Variants in KCMF1 observed in about 807,000 individuals in gnomAD.
KCMF1 encodes the protein E3 ubiquitin-protein ligase KCMF1.
In KCMF1, 3 loss-of-function variants were observed where a neutral mutation model predicts 41.1. The observed-to-expected ratio is 0.07, with a 90% confidence interval of 0.03 to 0.19. The LOEUF (loss-of-function observed/expected upper bound fraction) is 0.19. Among genes scored for constraint, KCMF1 ranks in the 10% least tolerant of loss-of-function variants. KCMF1 has a pLI of 1.00. For missense variants in KCMF1, 286 were observed against 488.9 expected, an observed-to-expected ratio of 0.58 and a Z score of 3.91; for synonymous variants, 142 against 164.5, an observed-to-expected ratio of 0.86 and a Z score of 1.04.
At chr2:85,018,689 T>A (rs921963901) in intron 1 of KCMF1, among the ~76,000 whole-genome samples, 2 of 152,210 alleles carry the variant, frequency 1.3e-5, no homozygotes, top group South Asian at 4.1e-4. Flanking sequence ...ATGTAATGGA[T>A]GTCAGTGCTA....
At chr2:85,030,215 T>C (rs1244214025) in intron 2 of KCMF1, among the ~76,000 whole-genome samples, 3 of 152,180 alleles carry the variant, frequency 2.0e-5, no homozygotes, top group Admixed American at 2.0e-4. Flanking sequence ...TGAATTGTAA[T>C]AGTTTTTTAT....
At chr2:85,009,802 C>T (rs907177970) in intron 1 of KCMF1, among the ~76,000 whole-genome samples, 1 of 152,184 alleles carries the variant, frequency 6.6e-6, no homozygotes, top group East Asian at 1.9e-4. Flanking sequence ...GAATAAACTT[C>T]TACTTTCCAC....
rs551513451 is a variant in KCMF1 at position 85,043,815 on chromosome 2, G to T, written c.426+150G>T. The stretch of plus-strand genomic sequence containing the variant: ...TCCTCCTGCTTCAGCCTCTTGAGTA[G>T]CTGGGACTATAGGCACACATGTGCC... On this transcript the variant is annotated intron_variant, in intron 4 of 6. Transcript: ENST00000409785. 86 of 654,934 alleles carry T rather than the reference G, an allele frequency of 1.3e-4. 1 individual carries two copies. In the African/African-American group the frequency reaches 1.5e-3, roughly 12 times the overall value. The allele number at this position is 654,934 out of a possible 1,614,324, so 40.6% of individuals were successfully genotyped here.
At chr2:85,023,374 A>G (rs1361278937) in intron 1 of KCMF1, among the ~76,000 whole-genome samples, 1 of 132,664 alleles carries the variant, frequency 7.5e-6, no homozygotes, top group African/African-American at 2.9e-5. Flanking sequence ...GCTGGAGTGC[A>G]GTGGCGCGAT....
chr2:85,033,908 C>T (rs1010343019), intron 2 of KCMF1, among the ~76,000 whole-genome samples: 9 of 151,610 alleles, frequency 5.9e-5, no homozygotes, highest in East Asian at 1.9e-4. Context: ...ACAGGCCAGG[C>T]GTGGTGGCTC....
chr2:85,017,429 TTC>T (rs1472241068), intron 1 of KCMF1, among the ~76,000 whole-genome samples: 1 of 152,186 alleles, frequency 6.6e-6, no homozygotes, highest in African/African-American at 2.4e-5. Context: ...CTCTGTATAG[TTC>T]TCAGTATCAA....
intron 3 of KCMF1, among the ~76,000 whole-genome samples, chr2:85,035,990 C>T (rs988085147): frequency 6.6e-6 from 1 of 152,134 alleles, no homozygotes; most frequent in Non-Finnish European, 1.5e-5. Flanking sequence ...GTAGCATGCT[C>T]AAGGACATAC....
At chr2:85,026,193 G>C (rs1293439236) in intron 1 of KCMF1, among the ~76,000 whole-genome samples, 1 of 151,956 alleles carries the variant, frequency 6.6e-6, no homozygotes, top group Non-Finnish European at 1.5e-5. Context: ...GTTTCACCAG[G>C]TTGGTCAGGG....
chr2:84,986,284 A>G (rs1673900135), intron 1 of KCMF1, among the ~76,000 whole-genome samples: 1 of 152,224 alleles, frequency 6.6e-6, no homozygotes, highest in Non-Finnish European at 1.5e-5. Context: ...TGGGGCAATT[A>G]AAAGTGTCAG....
rs1397825897 is a variant in KCMF1 at position 85,049,475 on chromosome 2, A to G, written c.711A>G (p.Glu237=). The G allele has an allele frequency of 6.2e-7, 1 of 1,614,030 alleles. No homozygotes were observed. Among genetic ancestry groups the G allele is most frequent in the Admixed American group, 1.7e-5 (1 of 60,018 alleles). Residue 237 remains glutamate (E), a synonymous_variant, in exon 6 of 7, where the codon GAA becomes GAG. Transcript: ENST00000409785. ...LQQLQMQLQL[E]RQHAQAARQQ... is the part of the protein sequence containing the mutation. ...AACTGCAGATGCAGCTGCAGCTAGA[A>G]CGGCAGCATGCCCAGGCAGCACGGC...
chr2:84,987,056 G>A (rs1357454907), intron 1 of KCMF1, among the ~76,000 whole-genome samples: 5 of 152,172 alleles, frequency 3.3e-5, no homozygotes, highest in East Asian at 1.9e-4. Flanking sequence ...ATGAAATGGC[G>A]GTGCATGTTA....
intron 2 of KCMF1, among the ~76,000 whole-genome samples, chr2:85,030,608 T>G (rs2104032993): frequency 6.6e-6 from 1 of 152,332 alleles, no homozygotes; most frequent in Non-Finnish European, 1.5e-5. Context: ...ACCCAATGCA[T>G]TGTCTTGGCA....
chr2:85,038,704 G>T (rs1558584266), intron 3 of KCMF1, among the ~76,000 whole-genome samples: 2 of 151,642 alleles, frequency 1.3e-5, no homozygotes, highest in Non-Finnish European at 2.9e-5. Context: ...GCTCTTTTTG[G>T]GTCATCACTC....
chr2:84,997,828 C>T (rs370908274), intron 1 of KCMF1, among the ~76,000 whole-genome samples: 8 of 135,130 alleles, frequency 5.9e-5, no homozygotes, highest in East Asian at 2.2e-4. Context: ...TGGAGAGCAG[C>T]GGTGCAATCC....
chr2:85,042,017 CT>C (rs1224448417), intron 3 of KCMF1, among the ~76,000 whole-genome samples: 1 of 152,158 alleles, frequency 6.6e-6, no homozygotes. Flanking sequence ...CATACAGCTA[CT>C]TTTCTGACAG....
Position 84,994,410 on chromosome 2 carries a change from C to CT in KCMF1, c.16+22953dup, listed in dbSNP as rs912547740. 7.1e-4 allele frequency among the ~76,000 whole-genome samples: 106 copies of CT among 148,682 alleles called. 1 individual carries two copies. The highest frequency in any genetic ancestry group is 2.3e-3 in the African/African-American group (93 of 40,632). ...ACACCTCACTAAACTAACAATACTT[C>CT]TTTTTTTTTTGAGACGGAGGTTCGC... On this transcript the variant is annotated intron_variant, in intron 1 of 6. Coordinates refer to ENST00000409785, the MANE Select transcript of KCMF1 (RefSeq NM_020122.5).
chr2:84,971,612 G>A, intron 1 of KCMF1, 145 bp downstream of exon 1: 1 of 284,084 alleles, frequency 3.5e-6, no homozygotes, highest in Non-Finnish European at 5.8e-6. Flanking sequence ...GGGAGCGAGC[G>A]AGCGAGGGCG....
intron 1 of KCMF1, among the ~76,000 whole-genome samples, chr2:84,997,764 C>CTTTTTTTTTTT (rs112460793): frequency 3.7e-5 from 3 of 80,268 alleles, no homozygotes; most frequent in African/African-American, 5.0e-5. Context: ...AATACATTTT[C>CTTTTTTTTTTT]TTTTTTTTTT....
At chr2:85,033,776 T>C (rs567351557) in intron 2 of KCMF1, among the ~76,000 whole-genome samples, 2 of 152,260 alleles carry the variant, frequency 1.3e-5, no homozygotes, top group South Asian at 4.1e-4. Context: ...ATTCAAACCA[T>C]AGCAATTACC....
Sources: allele counts gnomAD v4.1 joint callset (sites outside exome capture counted in the v4.1 genomes callset), GRCh38; gene constraint gnomAD v4.1.1; transcripts MANE v1.5; gene names NCBI Gene and HGNC (gene_info 2026-07-23, HGNC 2026-07-21).